CIT: variants seen among roughly 807,000 people sequenced by gnomAD.
CIT encodes the protein citron Rho-interacting kinase.
Under a neutral mutation model 272.7 loss-of-function variants are expected in CIT, and 79 were observed. The observed-to-expected ratio is 0.29, with a 90% CI of 0.24 to 0.35. The LOEUF (loss-of-function observed/expected upper bound fraction) is 0.35, where lower values mean the gene tolerates loss of function less well. CIT is among the 10% of genes least tolerant of loss of function. The pLI is 1.00. For synonymous variants in CIT, 948 were observed against 995.6 expected, an observed-to-expected ratio of 0.95 and a Z score of 0.90; for missense variants, 1,909 against 2,618.3, an observed-to-expected ratio of 0.73 and a Z score of 5.91.
At chr12:119,716,073 T>C (rs962018438) in intron 32 of CIT, among the ~76,000 whole-genome samples, 2 of 152,168 alleles carry the variant, frequency 1.3e-5, no homozygotes, top group African/African-American at 4.8e-5. Flanking sequence ...ACCATTTTAA[T>C]GAGTTTAAAA....
chr12:119,696,047 T>C (rs1956207178), intron 46 of CIT, among the ~76,000 whole-genome samples: 1 of 152,218 alleles, frequency 6.6e-6, no homozygotes, highest in Non-Finnish European at 1.5e-5. Context: ...GAGGGCTGGC[T>C]GTATTGGCAT....
Position 119,690,499 on chromosome 12 carries a change from C to A in CIT, c.5883-45G>T. 6.7e-7 allele frequency: 1 copy of A among 1,502,792 alleles called. No homozygotes were observed. Among genetic ancestry groups the A allele is most frequent in the Non-Finnish European group, 8.8e-7 (1 of 1,136,118 alleles). 93.1% of individuals were successfully genotyped at this position (1,502,792 alleles called of 1,614,324 possible). Reference sequence around the variant, plus strand: ...GTAGGGAGCTGCGAGGCCACAACCCCAGAGGGGCATTTTCCTTCTTACCTG... The same window carrying A: ...GTAGGGAGCTGCGAGGCCACAACCCAAGAGGGGCATTTTCCTTCTTACCTG... On this transcript the variant is annotated intron_variant, in intron 46 of 47. Transcript: ENST00000392521. The surrounding 1 kb of genome is among the most constrained non-coding windows in gnomAD (Gnocchi z 6.0).
chr12:119,687,007 C>T lies in CIT; in HGVS notation c.*1225G>A, dbSNP rs1398889500. 1.3e-5 allele frequency: 2 copies of T among 152,780 alleles called. No homozygotes were observed. Among genetic ancestry groups the T allele is most frequent in the Non-Finnish European group, 2.9e-5 (2 of 68,188 alleles). The allele number at this position is 152,780 out of a possible 1,614,324, so 9.5% of individuals were successfully genotyped here. Reference sequence around the variant, plus strand: ...TGTGAACAGAGTCATCCTCTGCAGGCAGGGAAGTGTGAAGTTTGGAGGGGA... The same window carrying T: ...TGTGAACAGAGTCATCCTCTGCAGGTAGGGAAGTGTGAAGTTTGGAGGGGA... On this transcript the variant is annotated 3_prime_UTR_variant, in exon 48 of 48. Transcript: ENST00000392521.
chr12:119,875,977 CTAA>C, intron 2 of CIT, 93 bp downstream of exon 2: 2 of 777,174 alleles, frequency 2.6e-6, no homozygotes, highest in Non-Finnish European at 4.3e-6. Flanking sequence ...GACTGAGACT[CTAA>C]ATAAATAAAC....
Position 119,718,143 on chromosome 12 carries a change from A to C in CIT, c.4168+102T>G. On this transcript the variant is annotated intron_variant, in intron 32 of 47. Transcript: ENST00000392521. This position sits in a 1 kb window ranked among gnomAD's most constrained non-coding sequence, Gnocchi z 4.8. ...GTGTGAGCCACCGTGCCTGGCCAAG[A>C]CTGACTTTTTAATCTTTAACCCCTA... The C allele has an allele frequency of 7.3e-7, 1 of 1,367,486 alleles. No individual in the cohort carries two copies. Among genetic ancestry groups the C allele is most frequent in the South Asian group, 1.5e-5 (1 of 68,358 alleles). The allele number at this position is 1,367,486 out of a possible 1,614,324, so 84.7% of individuals were successfully genotyped here. A position where few individuals can be genotyped will look rare whatever the true frequency, so the allele number is the denominator to read the frequency against.
rs915645921 is a variant in CIT at position 119,770,079 on chromosome 12, A to G, written c.2208+706T>C. Among the ~76,000 whole-genome samples the G allele has an allele frequency of 6.4e-4, 97 of 152,172 alleles. 1 individual carries two copies. The highest frequency in any genetic ancestry group is 2.3e-3 in the African/African-American group (96 of 41,442). On this transcript the variant is annotated intron_variant, in intron 18 of 47. Transcript: ENST00000392521. The surrounding 1 kb of genome is among the most constrained non-coding windows in gnomAD (Gnocchi z 4.4). Reference sequence around the variant, plus strand: ...TGTCAAATTTCTGGCTGTGGGACTGAGGTCCAAGGAGAGCCCTTCAAAGGT... The same window carrying G: ...TGTCAAATTTCTGGCTGTGGGACTGGGGTCCAAGGAGAGCCCTTCAAAGGT...
chr12:119,730,257 C>T (rs953589885), intron 27 of CIT, among the ~76,000 whole-genome samples: 1 of 152,070 alleles, frequency 6.6e-6, no homozygotes, highest in African/African-American at 2.4e-5. Flanking sequence ...CCTAGACACA[C>T]AGATTTTAAA....
rs1958384179 is a variant in CIT at position 119,730,623 on chromosome 12, C to T, written c.3358G>A (p.Ala1120Thr). 6.2e-7 allele frequency: 1 copy of T among 1,613,648 alleles called. No individual in the cohort carries two copies. Residue 1120 changes from alanine to threonine, a missense_variant, in exon 27 of 48, where the codon GCC becomes ACC. Ala to Thr is a moderately conservative substitution (Grantham distance 58, BLOSUM62 0). Coordinates refer to ENST00000392521, the MANE Select transcript of CIT (RefSeq NM_001206999.2). ...LDTEKQSRAR[A>T]DQRITESRQV... is the part of the protein sequence containing the mutation. ...CGAGACTCGGTGATCCGCTGATCGG[C>T]TCTCGCCCTGCCAGAAAGACACAGG...
intron 3 of CIT, among the ~76,000 whole-genome samples, chr12:119,861,719 A>G (rs1950344121): frequency 6.6e-6 from 1 of 152,244 alleles, no homozygotes; most frequent in Non-Finnish European, 1.5e-5. Context: ...ACAGTAATCC[A>G]AACTTTCAAT....
chr12:119,781,848 CA>C (rs1964320969), intron 13 of CIT, among the ~76,000 whole-genome samples: 1 of 152,196 alleles, frequency 6.6e-6, no homozygotes, highest in Admixed American at 6.5e-5. Context: ...TGGCTTCACT[CA>C]AAAACTTAAA....
intron 5 of CIT, among the ~76,000 whole-genome samples, chr12:119,844,977 G>A (rs1313070620): frequency 1.3e-5 from 2 of 151,950 alleles, no homozygotes; most frequent in South Asian, 2.1e-4. Context: ...AAAATTAAAC[G>A]AACATGGTGG....
chr12:119,686,886 G>C lies in CIT; in HGVS notation c.*1346C>G, dbSNP rs1955609556. On this transcript the variant is annotated 3_prime_UTR_variant, in exon 48 of 48. Coordinates refer to ENST00000392521, the MANE Select transcript of CIT (RefSeq NM_001206999.2). ...GCGGAGCTGGAAGAGTTGAGCTGCG[G>C]CTGCTTTCTCAAACTTCCTGGTCTT... The C allele has an allele frequency of 6.6e-6, 1 of 152,140 alleles. No homozygotes were observed. Among genetic ancestry groups the C allele is most frequent in the Non-Finnish European group, 1.5e-5 (1 of 68,134 alleles). 9.4% of individuals were successfully genotyped at this position (152,140 alleles called of 1,614,324 possible). A position where few individuals can be genotyped will look rare whatever the true frequency, so the allele number is the denominator to read the frequency against.
chr12:119,871,885 G>A (rs1268572782), intron 2 of CIT, among the ~76,000 whole-genome samples: 2 of 152,160 alleles, frequency 1.3e-5, no homozygotes, highest in African/African-American at 2.4e-5. Flanking sequence ...AATCAGGTTT[G>A]GGAAGCACTG....
chr12:119,795,227 C>T (rs1965630943), intron 10 of CIT, among the ~76,000 whole-genome samples: 1 of 152,026 alleles, frequency 6.6e-6, no homozygotes, highest in Admixed American at 6.6e-5. Flanking sequence ...ACTAAAAATA[C>T]AAAAACAAAA....
chr12:119,713,581 T>C lies in CIT; in HGVS notation c.4374A>G (p.Glu1458=). 2.5e-6 allele frequency: 4 copies of C among 1,614,226 alleles called. No individual in the cohort carries two copies. The highest frequency in any genetic ancestry group is 1.3e-5 in the African/African-American group (1 of 75,062). ...CLPATCGLPA[E]YATHFTEAFC... The stretch of plus-strand genomic sequence containing the variant: ...AGGCCTCGGTGAAGTGTGTGGCATA[T>C]TCAGCAGGCAAGCCGCAGGTGGCTG... The change falls in exon 34 of 48, where the codon GAA becomes GAG. Residue 1458 remains glutamate (E), a synonymous_variant. Transcript: ENST00000392521. The surrounding 1 kb of genome is among the most constrained non-coding windows in gnomAD (Gnocchi z 5.2).
intron 10 of CIT, 78 bp from the exon 11 acceptor site, chr12:119,785,143 T>C: frequency 6.8e-7 from 1 of 1,468,208 alleles, no homozygotes; most frequent in South Asian, 1.3e-5. Context: ...CAACATTTGT[T>C]TCATTTTACA....
At chr12:119,808,655 G>A (rs1421791237) in intron 9 of CIT, among the ~76,000 whole-genome samples, 1 of 152,194 alleles carries the variant, frequency 6.6e-6, no homozygotes, top group Non-Finnish European at 1.5e-5. Context: ...TAATTATTGT[G>A]TGATGATATA....
At position 119,690,473 on chromosome 12, in the gene CIT, C is replaced by T. The variant is rs1379833732; in HGVS notation, c.5883-19G>A. Reference sequence around the variant, plus strand: ...GGGGCTGCTGGCGACACAAGAGGAACGTAGGGAGCTGCGAGGCCACAACCC... The same window carrying T: ...GGGGCTGCTGGCGACACAAGAGGAATGTAGGGAGCTGCGAGGCCACAACCC... On this transcript the variant is annotated intron_variant, in intron 46 of 47. Transcript: ENST00000392521. The surrounding 1 kb of genome is among the most constrained non-coding windows in gnomAD (Gnocchi z 6.0). 5.1e-6 allele frequency: 8 copies of T among 1,559,226 alleles called. No homozygotes were observed. Among genetic ancestry groups the T allele is most frequent in the South Asian group, 4.7e-5 (4 of 84,732 alleles).
chr12:119,870,903 G>A (rs868101873), intron 2 of CIT, among the ~76,000 whole-genome samples: 1 of 151,986 alleles, frequency 6.6e-6, no homozygotes, highest in Middle Eastern at 3.4e-3. Flanking sequence ...GGCGGATCGC[G>A]AGGTCAGAAG....
Sources: allele counts gnomAD v4.1 joint callset (sites outside exome capture counted in the v4.1 genomes callset), GRCh38; gene constraint gnomAD v4.1.1; non-coding constraint Gnocchi (gnomAD v3.1); transcripts MANE v1.5; gene names NCBI Gene and HGNC (gene_info 2026-07-23, HGNC 2026-07-21).